The following RAD50 variants were observed in gnomAD, a reference collection of about 807,000 sequenced individuals.
RAD50 encodes RAD50 double strand break repair protein, also known as DNA repair protein RAD50.
In RAD50, 132 loss-of-function variants were observed where a neutral mutation model predicts 168.8. The observed-to-expected ratio is 0.78, with a 90% CI of 0.68 to 0.90. RAD50 has a LOEUF of 0.90. RAD50 is among the 40% of genes least tolerant of loss of function. The probability of loss-of-function intolerance (pLI) is 0.00; values close to 1 mark genes in which losing one functional copy is unlikely to be tolerated. For synonymous variants in RAD50, 525 were observed against 497.4 expected (o/e 1.06, Z -0.74); for missense variants, 1,347 against 1,534.4 (o/e 0.88, Z 2.04).
Position 132,603,317 on chromosome 5 carries a change from T to C in RAD50, c.2225T>C (p.Leu742Ser). ...LVPMRQSIID[L>S]KEKEIPELRN... Reference sequence around the variant, plus strand: ...CTATTTAGGCAAAGCATAATTGATTTGAAGGAGAAGGAAATACCAGAATTA... The same window carrying C: ...CTATTTAGGCAAAGCATAATTGATTCGAAGGAGAAGGAAATACCAGAATTA... Residue 742 changes from leucine (L) to serine (S), a missense_variant, in exon 14 of 25, where the codon TTG becomes TCG. Leu to Ser is a moderately radical substitution (Grantham distance 145). This residue lies in a region of RAD50 where 635 missense variants were observed against 739.2 expected (regional missense o/e 0.86). Coordinates refer to ENST00000378823, the MANE Select transcript of RAD50 (RefSeq NM_005732.4). 6.2e-7 allele frequency: 1 copy of C among 1,612,814 alleles called. No individual in the cohort carries two copies. The highest frequency in any genetic ancestry group is 8.5e-7 in the Non-Finnish European group (1 of 1,179,132).
At position 132,644,658 on chromosome 5, in the gene RAD50, ACTCC is replaced by A. The variant is rs1751812873; in HGVS notation, c.*2298_*2301del. ...GTTATCTTTCATTCCCAGCTTGGTC[ACTCC>A]CTCTTATTTGTTGAAGAGTTTAGCT... On this transcript the variant is annotated 3_prime_UTR_variant, in exon 25 of 25. Coordinates refer to ENST00000378823, the MANE Select transcript of RAD50 (RefSeq NM_005732.4). 1 of 175,222 alleles carries A rather than the reference ACTCC, an allele frequency of 5.7e-6. No individual in the cohort carries two copies. The highest frequency in any genetic ancestry group is 1.2e-5 in the Non-Finnish European group (1 of 81,360). The allele number at this position is 175,222 out of a possible 1,614,324, so 10.9% of individuals were successfully genotyped here.
Position 132,594,886 on chromosome 5 carries a change from C to T in RAD50, c.1811C>T (p.Ser604Phe), listed in dbSNP as rs1750760861. 1 of 1,603,738 alleles carries T rather than the reference C, an allele frequency of 6.2e-7. No homozygotes were observed. Among genetic ancestry groups the T allele is most frequent in the Non-Finnish European group, 8.5e-7 (1 of 1,170,754 alleles). Residue 604 changes from serine to phenylalanine, a missense_variant, in exon 12 of 25, where the codon TCT becomes TTT. Around this residue, in one of 3 missense-constraint regions of RAD50, gnomAD observed 703 missense variants for 767.7 expected, o/e 0.92. Coordinates refer to ENST00000378823, the MANE Select transcript of RAD50 (RefSeq NM_005732.4). ...LAKLNKELAS[S>F]EQNKNHINNE... is the part of the protein sequence containing the mutation. Reference sequence around the variant, plus strand: ...TATTTTAGCAAGGAACTAGCTTCATCTGAGCAGAATAAAAATCATATAAAT... The same window carrying T: ...TATTTTAGCAAGGAACTAGCTTCATTTGAGCAGAATAAAAATCATATAAAT...
chr5:132,572,194 C>T (rs1750319126), intron 2 of RAD50, among the ~76,000 whole-genome samples: 1 of 152,092 alleles, frequency 6.6e-6, no homozygotes, highest in South Asian at 2.1e-4. Flanking sequence ...GATAAAAACT[C>T]TCAGCATAAC....
intron 1 of RAD50, among the ~76,000 whole-genome samples, chr5:132,558,760 A>G (rs1435202523): frequency 6.7e-6 from 1 of 148,394 alleles, no homozygotes; most frequent in Non-Finnish European, 1.5e-5. Context: ...CAGGCTGGGC[A>G]TGGTGGCTGA....
intron 24 of RAD50, among the ~76,000 whole-genome samples, chr5:132,641,133 A>C (rs868301642): frequency 6.6e-6 from 1 of 152,300 alleles, no homozygotes. Context: ...CATGTCATGC[A>C]CAGCAATTAG....
chr5:132,567,737 C>G (rs773864433), intron 2 of RAD50, among the ~76,000 whole-genome samples: 2 of 152,076 alleles, frequency 1.3e-5, no homozygotes, highest in Non-Finnish European at 2.9e-5. Context: ...TCCTGATGTG[C>G]CAGAATGGAG....
At chr5:132,625,135 G>A (rs1751350731) in intron 21 of RAD50, among the ~76,000 whole-genome samples, 1 of 148,272 alleles carries the variant, frequency 6.7e-6, no homozygotes, top group Non-Finnish European at 1.5e-5. Flanking sequence ...CGCCCAGGCT[G>A]GAGTGCAGTG....
intron 8 of RAD50, among the ~76,000 whole-genome samples, 173 bp downstream of exon 8, chr5:132,589,053 A>G (rs947104844): frequency 6.6e-6 from 1 of 152,232 alleles, no homozygotes; most frequent in Non-Finnish European, 1.5e-5. Flanking sequence ...AAGTGTATAA[A>G]GATAAAAATA....
At chr5:132,612,776 C>T (rs887555809) in intron 19 of RAD50, among the ~76,000 whole-genome samples, 1 of 151,914 alleles carries the variant, frequency 6.6e-6, no homozygotes, top group African/African-American at 2.4e-5. Context: ...TGCAGTGAGC[C>T]CTTACTACGC....
At chr5:132,585,574 A>G (rs950156688) in intron 5 of RAD50, among the ~76,000 whole-genome samples, 1 of 126,250 alleles carries the variant, frequency 7.9e-6, no homozygotes, top group Admixed American at 7.5e-5. Flanking sequence ...TCATTTTATT[A>G]TTGAGCTGTG....
chr5:132,568,442 T>G (rs1750246954), intron 2 of RAD50, among the ~76,000 whole-genome samples: 1 of 151,942 alleles, frequency 6.6e-6, no homozygotes, highest in Non-Finnish European at 1.5e-5. Flanking sequence ...ATGGACATAA[T>G]GTGTGGGAAG....
rs963776122 is a variant in RAD50, at chr5:132,557,089, C to T, written c.-236C>T. The T allele has an allele frequency of 1.0e-5, 7 of 674,542 alleles. No homozygotes were observed. The highest frequency in any genetic ancestry group is 1.7e-5 in the Non-Finnish European group (7 of 411,802). The allele number at this position is 674,542 out of a possible 1,614,324, so 41.8% of individuals were successfully genotyped here. A position where few individuals can be genotyped will look rare whatever the true frequency, so the allele number is the denominator to read the frequency against. On this transcript the variant is annotated 5_prime_UTR_variant, in exon 1 of 25. Coordinates refer to ENST00000378823, the MANE Select transcript of RAD50 (RefSeq NM_005732.4). ...GCAGCCCCAGGCTGGTCCCCGCCTC[C>T]GCTCTCCCCACCGGCGGGGAAAGCA...
chr5:132,596,577 GTGTTA>G (rs1192829865), intron 13 of RAD50, among the ~76,000 whole-genome samples: 2 of 152,146 alleles, frequency 1.3e-5, no homozygotes, highest in African/African-American at 4.8e-5. Context: ...CAAGAAATTC[GTGTTA>G]TGTTCTGTTT....
chr5:132,594,205 C>G (rs570734642), intron 11 of RAD50, among the ~76,000 whole-genome samples: 26 of 152,282 alleles, frequency 1.7e-4, no homozygotes, highest in African/African-American at 6.0e-4. Flanking sequence ...TACATACAGC[C>G]TACTCCAATA....
At chr5:132,574,881 A>AT (rs1750366203) in intron 2 of RAD50, among the ~76,000 whole-genome samples, 2 of 152,210 alleles carry the variant, frequency 1.3e-5, no homozygotes, top group African/African-American at 4.8e-5. Context: ...CAAGTTCCTT[A>AT]TCTCCATCTG....
rs1171394557 is a variant in RAD50, at chr5:132,595,660, G to C, written c.2057G>C (p.Arg686Thr). ...CAGTCATGTTGCCCCGTTTGTCAGA[G>C]AGTTTTTCAGACAGAGGCTGAGTTA... Reference protein sequence around the residue: ...ENQSCCPVCQRVFQTEAELQE... With the variant: ...ENQSCCPVCQTVFQTEAELQE... Residue 686 changes from arginine (R) to threonine (T), a missense_variant, in exon 13 of 25, where the codon AGA (arginine) becomes ACA (threonine). By Grantham distance (71) the Arg-to-Thr change is moderately conservative. Transcript: ENST00000378823. 3 of 1,614,024 alleles carry C rather than the reference G, an allele frequency of 1.9e-6. No individual in the cohort carries two copies. Among genetic ancestry groups the C allele is most frequent in the East Asian group, 2.2e-5 (1 of 44,880 alleles).
chr5:132,573,917 T>A (rs1477884193), intron 2 of RAD50, among the ~76,000 whole-genome samples: 1 of 152,228 alleles, frequency 6.6e-6, no homozygotes, highest in Non-Finnish European at 1.5e-5. Flanking sequence ...GAGGTGGGCT[T>A]CCATGGCCTT....
At position 132,588,854 on chromosome 5, in the gene RAD50, G is replaced by A. The variant is rs201544462; in HGVS notation, c.1219G>A (p.Glu407Lys). The A allele has an allele frequency of 1.2e-6, 2 of 1,613,692 alleles. No homozygotes were observed. Among genetic ancestry groups the A allele is most frequent in the Non-Finnish European group, 1.7e-6 (2 of 1,179,828 alleles). ...ACTTGTGAGAGAGAGACAAGAAGGG[G>A]AAGCAAAAACTGCCAACCAACTGAT... ...HKLVRERQEG[E>K]AKTANQLMND... The change falls in exon 8 of 25, where the codon GAA becomes AAA. Residue 407 changes from glutamate (E) to lysine (K), a missense_variant. By Grantham distance (56) the Glu-to-Lys change is moderately conservative. This residue lies in a region of RAD50 where 703 missense variants were observed against 767.7 expected (regional missense o/e 0.92). Coordinates refer to ENST00000378823, the MANE Select transcript of RAD50 (RefSeq NM_005732.4).
chr5:132,607,575 GAATAT>G (rs1465170801), intron 16 of RAD50, among the ~76,000 whole-genome samples: 8 of 152,034 alleles, frequency 5.3e-5, no homozygotes, highest in South Asian at 4.1e-4. Flanking sequence ...CAGAGGTTCA[GAATAT>G]AATATAAAAT....
Sources: gnomAD v4.1 joint callset for allele counts (sites outside exome capture counted in the v4.1 genomes callset) on GRCh38, gnomAD v4.1.1 for gene constraint, gnomAD v4.1.1 regional missense constraint, MANE v1.5 for transcripts, NCBI Gene and HGNC (gene_info 2026-07-23, HGNC 2026-07-21) for gene names.